ZBTB11: variants seen among roughly 807,000 people sequenced by gnomAD.
ZBTB11 encodes zinc finger and BTB domain containing 11.
In ZBTB11, 68 loss-of-function variants were observed where a neutral mutation model predicts 113.1. That is an observed-to-expected ratio of 0.60 (90% CI 0.49 to 0.74). ZBTB11 has a LOEUF of 0.74. Among genes scored for constraint, ZBTB11 ranks in the 30% least tolerant of loss-of-function variants. The probability of loss-of-function intolerance (pLI) is 0.00; values close to 1 mark genes in which losing one functional copy is unlikely to be tolerated. For synonymous variants in ZBTB11, 518 were observed against 452.6 expected, an observed-to-expected ratio of 1.14 and a Z score of -1.83; for missense variants, 1,104 against 1,279.4, an observed-to-expected ratio of 0.86 and a Z score of 2.09.
chr3:101,665,190 C>A lies in ZBTB11; in HGVS notation c.1397G>T (p.Cys466Phe), dbSNP rs1344430104. 1.2e-6 allele frequency: 2 copies of A among 1,614,028 alleles called. No homozygotes were observed. The highest frequency in any genetic ancestry group is 2.7e-5 in the African/African-American group (2 of 74,896). The change falls in exon 4 of 11, where the codon TGT (cysteine) becomes TTT (phenylalanine). Residue 466 changes from cysteine (C) to phenylalanine (F), a missense_variant. Cys to Phe is a radical substitution (Grantham distance 205, BLOSUM62 -2). This residue lies in a region of ZBTB11 where 535 missense variants were observed against 518.6 expected (regional missense o/e 1.03). Transcript: ENST00000312938. ...MGNDISAEDICAEDIPKHRQK... is the reference protein window; with the variant it reads ...MGNDISAEDIFAEDIPKHRQK... Reference sequence around the variant, plus strand: ...CCTATGTTTTGGAATGTCTTCGGCACAAATATCCTCAGCTGATATATCATT... The same window carrying A: ...CCTATGTTTTGGAATGTCTTCGGCAAAAATATCCTCAGCTGATATATCATT...
At chr3:101,676,395 C>A in intron 1 of ZBTB11, 1 of 504,708 alleles carries the variant, frequency 2.0e-6, no homozygotes, top group African/African-American at 2.0e-5. Flanking sequence ...CACCCAGGGC[C>A]AGGGCCCGCC....
rs1936858793 is a variant in ZBTB11 at position 101,659,909 on chromosome 3, T to C, written c.1920A>G (p.Thr640=). The change falls in exon 6 of 11, where the codon ACA becomes ACG. Residue 640 remains threonine, a synonymous_variant. Transcript: ENST00000312938. ...GCTTGGTTCTGCCCTTCTCAGATGATGTTCCCGATGCTTCATTAGACGTGG... is the reference window on the plus strand; with the variant it reads ...GCTTGGTTCTGCCCTTCTCAGATGACGTTCCCGATGCTTCATTAGACGTGG... ...SNSTSNEASG[T]SSEKGRTKRE... The C allele has an allele frequency of 1.4e-5, 22 of 1,614,214 alleles. No individual in the cohort carries two copies. The highest frequency in any genetic ancestry group is 1.8e-5 in the Non-Finnish European group (21 of 1,180,036).
intron 3 of ZBTB11, 87 bp from the exon 4 acceptor site, chr3:101,665,895 A>T: frequency 7.6e-7 from 1 of 1,317,114 alleles, no homozygotes; most frequent in Non-Finnish European, 1.0e-6. Flanking sequence ...TATAATTCAA[A>T]GGCAAATATG....
chr3:101,672,838 C>T (rs1260184103), intron 1 of ZBTB11, among the ~76,000 whole-genome samples: 1 of 152,222 alleles, frequency 6.6e-6, no homozygotes, highest in East Asian at 1.9e-4. Context: ...CATATCTGAA[C>T]AGAACCTTAA....
At chr3:101,667,073 A>G (rs1393662775) in intron 3 of ZBTB11, among the ~76,000 whole-genome samples, 1 of 152,066 alleles carries the variant, frequency 6.6e-6, no homozygotes, top group Non-Finnish European at 1.5e-5. Context: ...AGGTACTTTG[A>G]GACAGGCCCT....
chr3:101,658,137 G>A (rs1391897652), intron 6 of ZBTB11, among the ~76,000 whole-genome samples: 1 of 152,090 alleles, frequency 6.6e-6, no homozygotes, highest in East Asian at 1.9e-4. Context: ...AATATACCAT[G>A]GAATACCACT....
Position 101,663,045 on chromosome 3 carries a change from T to C in ZBTB11, c.1800+1493A>G, listed in dbSNP as rs1465296250. On this transcript the variant is annotated intron_variant, in intron 5 of 10. Coordinates refer to ENST00000312938, the MANE Select transcript of ZBTB11 (RefSeq NM_014415.4). ...AGCTCCGCCTCCCGTGTTCAAGCCATTGTCCTGCCTCAGTCTCCCGAGTAG... is the reference window on the plus strand; with the variant it reads ...AGCTCCGCCTCCCGTGTTCAAGCCACTGTCCTGCCTCAGTCTCCCGAGTAG... Among the ~76,000 whole-genome samples, 4 of 151,942 alleles carry C rather than the reference T, an allele frequency of 2.6e-5. No individual in the cohort carries two copies. The East Asian group carries it at 7.7e-4, about 29-fold the overall frequency.
At chr3:101,661,508 T>A (rs1008312573) in intron 5 of ZBTB11, among the ~76,000 whole-genome samples, 3 of 152,218 alleles carry the variant, frequency 2.0e-5, no homozygotes, top group African/African-American at 7.2e-5. Context: ...ATTAAAAGTT[T>A]GACTGATTGG....
intron 6 of ZBTB11, among the ~76,000 whole-genome samples, chr3:101,656,642 AT>A (rs1230236138): frequency 2.6e-5 from 4 of 151,484 alleles, no homozygotes; most frequent in South Asian, 2.1e-4. Flanking sequence ...AGAACTAATT[AT>A]TTTTTTTTCC....
rs13069443 is a variant in ZBTB11 at position 101,654,461 on chromosome 3, C to T, written c.2309+243G>A. Among the ~76,000 whole-genome samples the T allele has an allele frequency of 0.3, 45,913 of 151,882 alleles. 7,249 individuals carry two copies. Among genetic ancestry groups the T allele is most frequent in the Non-Finnish European group, 0.34 (23,326 of 67,906 alleles). ...TGGCTGGCAGTGAGACTCTTCTTTC[C>T]CACAGTCCCCACTTCCAGGTAGTAC... On this transcript the variant is annotated intron_variant, in intron 8 of 10. Coordinates refer to ENST00000312938, the MANE Select transcript of ZBTB11 (RefSeq NM_014415.4).
At chr3:101,669,546 T>G (rs1937051804) in intron 3 of ZBTB11, among the ~76,000 whole-genome samples, 1 of 152,150 alleles carries the variant, frequency 6.6e-6, no homozygotes, top group African/African-American at 2.4e-5. Flanking sequence ...AGAGCAACAC[T>G]CATGCTTTCA....
intron 5 of ZBTB11, among the ~76,000 whole-genome samples, chr3:101,661,285 C>T (rs1936882816): frequency 6.6e-6 from 1 of 151,018 alleles, no homozygotes; most frequent in African/African-American, 2.4e-5. Flanking sequence ...TGTTCCCTAA[C>T]TGCCTGATAC....
At chr3:101,656,972 T>TA (rs35777658) in intron 6 of ZBTB11, among the ~76,000 whole-genome samples, 30,290 of 142,724 alleles carry the variant, frequency 0.21, 3,327 homozygotes, top group East Asian at 0.34. Flanking sequence ...TGTTTCTACT[T>TA]AAAAAAAAAA....
At chr3:101,675,402 G>A (rs1023042183) in intron 1 of ZBTB11, among the ~76,000 whole-genome samples, 3 of 152,212 alleles carry the variant, frequency 2.0e-5, no homozygotes, top group Admixed American at 1.3e-4. Context: ...TAAACTTGAT[G>A]ATGTTTATAA....
intron 3 of ZBTB11, among the ~76,000 whole-genome samples, chr3:101,666,025 G>A (rs1242954846): frequency 2.0e-5 from 3 of 148,864 alleles, no homozygotes; most frequent in Non-Finnish European, 4.4e-5. Flanking sequence ...AATAGTATCA[G>A]ACTTACTACC....
chr3:101,672,243 T>C (rs533211437), intron 1 of ZBTB11, 30 bp from the exon 2 acceptor site: 1 of 1,466,406 alleles, frequency 6.8e-7, no homozygotes, highest in East Asian at 2.3e-5. Context: ...AAGTCAAATT[T>C]AATACTGTTA....
chr3:101,661,973 ATATGG>A (rs1271567144), intron 5 of ZBTB11: 2 of 151,168 alleles, frequency 1.3e-5, no homozygotes, highest in African/African-American at 4.9e-5. Context: ...GAGATTTTTT[ATATGG>A]TATTATATAT....
In ZBTB11 at chr3:101,657,399, G is replaced by A. The variant is rs183909418; in HGVS notation, c.2047-1151C>T. On this transcript the variant is annotated intron_variant, in intron 6 of 10. Transcript: ENST00000312938. ...CGTGTGCCTGTAGTTCCAGCTACTC[G>A]GGAGGCTGAGGCAGGAGAATTGCTT... Among the ~76,000 whole-genome samples the A allele has an allele frequency of 6.5e-4, 99 of 151,864 alleles. 1 individual carries two copies. Among genetic ancestry groups the A allele is most frequent in the African/African-American group, 2.3e-3 (96 of 41,430 alleles).
At chr3:101,652,112 G>C (rs1482131437) in intron 10 of ZBTB11, among the ~76,000 whole-genome samples, 1 of 151,940 alleles carries the variant, frequency 6.6e-6, no homozygotes, top group East Asian at 1.9e-4. Flanking sequence ...CTGGGTGACA[G>C]AGCAAGACTT....
Sources: gnomAD v4.1 joint callset for allele counts (sites outside exome capture counted in the v4.1 genomes callset) on GRCh38, gnomAD v4.1.1 for gene constraint, gnomAD v4.1.1 regional missense constraint, MANE v1.5 for transcripts, NCBI Gene and HGNC (gene_info 2026-07-23, HGNC 2026-07-21) for gene names.